The following RYR2 variants were observed in gnomAD, a reference collection of about 807,000 sequenced individuals.
RYR2 encodes the protein ryanodine receptor 2, also known as cardiac muscle ryanodine receptor-calcium release channel.
In RYR2, 227 loss-of-function variants were observed where a neutral mutation model predicts 601.1. That is an observed-to-expected ratio of 0.38 (90% CI 0.34 to 0.42). RYR2 has a LOEUF of 0.42. Among genes scored for constraint, RYR2 ranks in the 10% least tolerant of loss-of-function variants. The pLI is 1.00. For synonymous variants in RYR2, 2,223 were observed against 2,175.1 expected (o/e 1.02, Z -0.61); for missense variants, 4,646 against 6,156.5 (o/e 0.75, Z 8.21).
At chr1:237,471,627 G>GAAAA (rs1660734046) in intron 17 of RYR2, among the ~76,000 whole-genome samples, 1 of 152,158 alleles carries the variant, frequency 6.6e-6, no homozygotes, top group Non-Finnish European at 1.5e-5. Flanking sequence ...TGCTTAACTG[G>GAAAA]AAAACAGAGA....
intron 34 of RYR2, among the ~76,000 whole-genome samples, chr1:237,597,661 T>C (rs1676041263): frequency 6.6e-6 from 1 of 151,848 alleles, no homozygotes; most frequent in African/African-American, 2.4e-5. Flanking sequence ...CTTAGTTTCA[T>C]AGTAACCACA....
chr1:237,066,648 T>A (rs926606076), intron 1 of RYR2, among the ~76,000 whole-genome samples: 1 of 151,974 alleles, frequency 6.6e-6, no homozygotes, highest in African/African-American at 2.4e-5. Context: ...TTTCTTTTTT[T>A]TTTTTTTCTT....
chr1:237,392,148 A>G (rs1702438432), intron 10 of RYR2, among the ~76,000 whole-genome samples: 1 of 152,128 alleles, frequency 6.6e-6, no homozygotes, highest in Non-Finnish European at 1.5e-5. Context: ...AAACTCTTCA[A>G]TTAGTGAGAT....
chr1:237,802,231 TAATTTTA>T (rs1319864747), intron 98 of RYR2: 2 of 193,996 alleles, frequency 1.0e-5, no homozygotes, highest in African/African-American at 4.6e-5. Context: ...AACTCCTAAA[TAATTTTA>T]AAAGAACATT....
intron 32 of RYR2, among the ~76,000 whole-genome samples, chr1:237,593,040 G>T (rs1303193407): frequency 1.4e-5 from 2 of 146,512 alleles, no homozygotes; most frequent in African/African-American, 4.9e-5. Context: ...AAAAAAAAGT[G>T]AACATAGATT....
intron 1 of RYR2, among the ~76,000 whole-genome samples, chr1:237,245,176 C>G (rs1309554422): frequency 1.3e-5 from 2 of 151,434 alleles, no homozygotes; most frequent in Non-Finnish European, 2.9e-5. Context: ...ATGATAGTGT[C>G]ACTGGACTCC....
intron 46 of RYR2, 147 bp from the exon 47 acceptor site, chr1:237,640,750 C>G (rs1327315883): frequency 1.7e-6 from 1 of 599,960 alleles, no homozygotes; most frequent in South Asian, 2.4e-5. Flanking sequence ...CCCTTAAAAA[C>G]GTCAAGCTCT....
At chr1:237,206,167 G>T (rs1681792432) in intron 1 of RYR2, among the ~76,000 whole-genome samples, 1 of 152,156 alleles carries the variant, frequency 6.6e-6, no homozygotes, top group African/African-American at 2.4e-5. Flanking sequence ...GCCACAGTCT[G>T]CAGGGCCTGG....
intron 50 of RYR2, among the ~76,000 whole-genome samples, chr1:237,650,689 C>T (rs990304940): frequency 9.9e-5 from 15 of 152,090 alleles, no homozygotes; most frequent in South Asian, 2.1e-4. Context: ...CTAGAAAGAT[C>T]GTGGCTCATT....
chr1:237,303,176 A>T (rs138366984), intron 2 of RYR2, among the ~76,000 whole-genome samples: 368 of 152,162 alleles, frequency 2.4e-3, no homozygotes, highest in Non-Finnish European at 4.3e-3. Context: ...ATGATATTGC[A>T]TGTATATAAC....
At chr1:237,393,463 G>C (rs1181206572) in intron 10 of RYR2, among the ~76,000 whole-genome samples, 4 of 152,168 alleles carry the variant, frequency 2.6e-5, no homozygotes, top group Admixed American at 2.6e-4. Flanking sequence ...AGAAAGAGAT[G>C]CATAGTTTAT....
intron 13 of RYR2, among the ~76,000 whole-genome samples, chr1:237,443,003 T>C (rs1232132006): frequency 1.3e-5 from 2 of 152,206 alleles, no homozygotes; most frequent in African/African-American, 4.8e-5. Flanking sequence ...TCCAACCATG[T>C]CTTTGGTTCC....
intron 10 of RYR2, among the ~76,000 whole-genome samples, chr1:237,394,128 T>C (rs1186699960): frequency 3.3e-5 from 5 of 152,248 alleles, no homozygotes; most frequent in Admixed American, 6.5e-5. Flanking sequence ...TTAATCTATA[T>C]GTAAGCAATA....
chr1:237,621,101 CAGAA>C (rs1225146129), intron 38 of RYR2, among the ~76,000 whole-genome samples: 1 of 151,996 alleles, frequency 6.6e-6, no homozygotes, highest in African/African-American at 2.4e-5. Flanking sequence ...AAAGCAGTAA[CAGAA>C]AGGTAACTGG....
Position 237,590,801 on chromosome 1 carries a change from T to A in RYR2, c.3969T>A (p.Pro1323=). The change falls in exon 31 of 105, where the codon CCT becomes CCA. Residue 1323 remains proline, a synonymous_variant. Transcript: ENST00000366574. Reference sequence around the variant, plus strand: ...CCAAGACGGTGGCTGGAGGGCTCCCTGGGGCTGGCCTTTTTGGGCCCAAGA... The same window carrying A: ...CCAAGACGGTGGCTGGAGGGCTCCCAGGGGCTGGCCTTTTTGGGCCCAAGA... ...VFSKTVAGGL[P]GAGLFGPKND... 5 of 1,613,908 alleles carry A rather than the reference T, an allele frequency of 3.1e-6. No homozygotes were observed. The highest frequency in any genetic ancestry group is 4.2e-6 in the Non-Finnish European group (5 of 1,179,854).
intron 1 of RYR2, among the ~76,000 whole-genome samples, chr1:237,184,959 T>C (rs1474193937): frequency 6.6e-6 from 1 of 150,570 alleles, no homozygotes; most frequent in Non-Finnish European, 1.5e-5. Flanking sequence ...AGCCTCAAAC[T>C]CTCAGGCTCA....
At chr1:237,699,484 T>G (rs943722603) in intron 64 of RYR2, among the ~76,000 whole-genome samples, 3 of 152,242 alleles carry the variant, frequency 2.0e-5, no homozygotes, top group African/African-American at 7.2e-5. Context: ...CTTTCTACTC[T>G]GCCCTGTCAA....
intron 1 of RYR2, among the ~76,000 whole-genome samples, chr1:237,234,873 C>T (rs1436455797): frequency 6.6e-6 from 1 of 151,508 alleles, no homozygotes; most frequent in African/African-American, 2.4e-5. Flanking sequence ...AAGAAGCTTA[C>T]AGTTTTGTGA....
rs371974986 is a variant in RYR2 at position 237,726,090 on chromosome 1, A to G, written c.10690-183A>G. Among the ~76,000 whole-genome samples, 53 of 152,234 alleles carry G rather than the reference A, an allele frequency of 3.5e-4. No individual in the cohort carries two copies. In the East Asian group the frequency reaches 9.6e-3, roughly 28 times the overall value. ...TTATTGATCATAGAGGGGGAAGAGCATCACAGAAATAAGTGCTTTTCCGTT... is the reference window on the plus strand; with the variant it reads ...TTATTGATCATAGAGGGGGAAGAGCGTCACAGAAATAAGTGCTTTTCCGTT... On this transcript the variant is annotated intron_variant, in intron 74 of 104. Transcript: ENST00000366574.
Sources: allele counts gnomAD v4.1 joint callset (sites outside exome capture counted in the v4.1 genomes callset), GRCh38; gene constraint gnomAD v4.1.1; transcripts MANE v1.5; gene names NCBI Gene and HGNC (gene_info 2026-07-23, HGNC 2026-07-21).